Variants in KCNH8 observed in about 807,000 individuals in gnomAD.
The protein encoded by KCNH8 is potassium voltage-gated channel subfamily H member 8, also known as voltage-gated delayed rectifier potassium channel KCNH8.
A neutral mutation model predicts 103.6 loss-of-function variants in KCNH8; 70 were observed. That is an observed-to-expected ratio of 0.68 (90% confidence interval 0.56 to 0.82). The LOEUF is 0.82. KCNH8 is among the 40% of genes least tolerant of loss of function. KCNH8 has a pLI of 0.00. For missense variants in KCNH8, 1,217 were observed against 1,329.9 expected, an observed-to-expected ratio of 0.92 and a Z score of 1.32; for synonymous variants, 498 against 489.4, an observed-to-expected ratio of 1.02 and a Z score of -0.23.
rs576911443 is a variant in KCNH8 at position 19,440,900 on chromosome 3, T to G, written c.1375+2539T>G. 2.3e-4 allele frequency among the ~76,000 whole-genome samples: 35 copies of G among 152,308 alleles called. 1 individual carries two copies. In the South Asian group the frequency reaches 6.2e-3, roughly 27 times the overall value. On this transcript the variant is annotated intron_variant, in intron 8 of 15. Transcript: ENST00000328405. ...AAACAGACAATTTATTATACTATTT[T>G]CTCTGGACTCCAAACCCACCTTTAT...
chr3:19,221,281 C>T (rs1290223046), intron 1 of KCNH8, among the ~76,000 whole-genome samples: 6 of 152,102 alleles, frequency 3.9e-5, no homozygotes, highest in Admixed American at 3.3e-4. Flanking sequence ...AGTGTTAGGA[C>T]GCTAAGGGGC....
At position 19,533,376 on chromosome 3, in the gene KCNH8, C is replaced by CTT; in HGVS notation, c.2620-17_2620-16dup. On this transcript the variant is annotated intron_variant, in intron 15 of 15. Transcript: ENST00000328405. ...ATGCACCTCTAACTATTGTCTTTCA[C>CTT]TTTGCTCTATCCACATAGGTAACAA... 6.5e-7 allele frequency: 1 copy of CTT among 1,542,716 alleles called. No homozygotes were observed. Among genetic ancestry groups the CTT allele is most frequent in the South Asian group, 1.1e-5 (1 of 89,498 alleles).
intron 1 of KCNH8, among the ~76,000 whole-genome samples, chr3:19,243,211 C>A (rs1483300132): frequency 6.6e-6 from 1 of 152,170 alleles, no homozygotes; most frequent in Non-Finnish European, 1.5e-5. Flanking sequence ...CATCTCCATT[C>A]TGTAATGCAG....
chr3:19,284,052 C>A (rs182615052), intron 3 of KCNH8, among the ~76,000 whole-genome samples: 1 of 151,830 alleles, frequency 6.6e-6, no homozygotes, highest in East Asian at 1.9e-4. Context: ...AGGAAAGACA[C>A]ACCTTAACAT....
chr3:19,364,756 G>T (rs148111412), intron 5 of KCNH8, among the ~76,000 whole-genome samples: 9 of 151,860 alleles, frequency 5.9e-5, no homozygotes, highest in Non-Finnish European at 1.3e-4. Context: ...CTCAAATTAG[G>T]TGACTTTAAA....
At chr3:19,200,647 C>G (rs1262671716) in intron 1 of KCNH8, among the ~76,000 whole-genome samples, 1 of 151,656 alleles carries the variant, frequency 6.6e-6, no homozygotes, top group African/African-American at 2.4e-5. Context: ...TCTTTATTAA[C>G]TAATTTTTGT....
At chr3:19,395,047 G>A (rs1040641388) in intron 6 of KCNH8, 57 bp from the exon 7 acceptor site, 7 of 1,220,048 alleles carry the variant, frequency 5.7e-6, no homozygotes, top group Admixed American at 1.7e-5. Context: ...CCAAGTTAAT[G>A]TTGTGGTATG....
At position 19,533,524 on chromosome 3, in the gene KCNH8, C is replaced by A; in HGVS notation, c.2749C>A (p.Pro917Thr). The A allele has an allele frequency of 1.2e-6, 2 of 1,614,164 alleles. No homozygotes were observed. Among genetic ancestry groups the A allele is most frequent in the Non-Finnish European group, 1.7e-6 (2 of 1,180,016 alleles). ...CTCTTTGCACAGCACCTCTGTGTGT[C>A]CCTCCAGGGAGAGCTTACAGACCAG... is the stretch of plus-strand genomic sequence containing the variant. ...FCSLHSTSVC[P>T]SRESLQTRTS... Residue 917 changes from proline to threonine, a missense_variant, in exon 16 of 16, where the codon CCC (proline) becomes ACC (threonine). Coordinates refer to ENST00000328405, the MANE Select transcript of KCNH8 (RefSeq NM_144633.3).
At chr3:19,433,945 T>G (rs1422926359) in intron 7 of KCNH8, among the ~76,000 whole-genome samples, 1 of 152,228 alleles carries the variant, frequency 6.6e-6, no homozygotes, top group South Asian at 2.1e-4. Flanking sequence ...TTGGCTCTAT[T>G]TCTTAAATTA....
intron 1 of KCNH8, among the ~76,000 whole-genome samples, chr3:19,211,159 G>A (rs1041409842): frequency 2.6e-5 from 4 of 152,134 alleles, no homozygotes; most frequent in African/African-American, 9.7e-5. Flanking sequence ...AAAAGACATA[G>A]TTTCCACCCA....
In KCNH8 at chr3:19,254,305, T is replaced by C. The variant is rs185009823; in HGVS notation, c.310+418T>C. On this transcript the variant is annotated intron_variant, in intron 2 of 15. Transcript: ENST00000328405. ...ATTCCAGTCATTAAAGACAGAGATC[T>C]GTGTGTTCCCTGCAAAAAAGGAAGT... Among the ~76,000 whole-genome samples, 859 of 152,174 alleles carry C rather than the reference T, an allele frequency of 5.6e-3. 2 individuals are homozygous for C. The highest frequency in any genetic ancestry group is 9.2e-3 in the Non-Finnish European group (625 of 68,008).
At chr3:19,436,591 A>G (rs2067203271) in intron 7 of KCNH8, among the ~76,000 whole-genome samples, 1 of 152,158 alleles carries the variant, frequency 6.6e-6, no homozygotes, top group African/African-American at 2.4e-5. Flanking sequence ...AACACAGTTT[A>G]GGGCAATCCT....
At chr3:19,522,768 T>G (rs2068994625) in intron 15 of KCNH8, among the ~76,000 whole-genome samples, 1 of 151,860 alleles carries the variant, frequency 6.6e-6, no homozygotes, top group Admixed American at 6.6e-5. Context: ...GAATAATTAT[T>G]TTCCCCTTTA....
intron 1 of KCNH8, among the ~76,000 whole-genome samples, chr3:19,191,353 G>A (rs1389747138): frequency 1.3e-5 from 2 of 151,666 alleles, no homozygotes; most frequent in East Asian, 3.9e-4. Flanking sequence ...CTAAATATTT[G>A]TTAATATGAT....
chr3:19,351,444 A>G (rs2065800647), intron 5 of KCNH8, among the ~76,000 whole-genome samples: 1 of 142,024 alleles, frequency 7.0e-6, no homozygotes, highest in Admixed American at 6.9e-5. Context: ...CAGATTCACC[A>G]AAGTTGAAAT....
intron 1 of KCNH8, among the ~76,000 whole-genome samples, chr3:19,170,526 G>C (rs926732628): frequency 2.0e-5 from 3 of 149,050 alleles, no homozygotes; most frequent in Admixed American, 1.3e-4. Context: ...CAGGCTTAAG[G>C]ATGTTCCAAC....
At chr3:19,190,597 T>G (rs184207922) in intron 1 of KCNH8, among the ~76,000 whole-genome samples, 96 of 152,058 alleles carry the variant, frequency 6.3e-4, no homozygotes, top group Admixed American at 1.9e-3. Context: ...ACGTGTCCAA[T>G]GTATTTATAG....
chr3:19,209,230 T>G (rs1197524664), intron 1 of KCNH8, among the ~76,000 whole-genome samples: 2 of 152,214 alleles, frequency 1.3e-5, no homozygotes, highest in East Asian at 3.9e-4. Flanking sequence ...TAAAGCATTA[T>G]GCATTTTTTA....
intron 3 of KCNH8, among the ~76,000 whole-genome samples, chr3:19,341,057 A>G (rs1240307674): frequency 1.3e-5 from 2 of 152,086 alleles, no homozygotes; most frequent in Non-Finnish European, 2.9e-5. Flanking sequence ...GAATGGTTCT[A>G]GGGTTTCCAG....
Sources: gnomAD v4.1 joint callset for allele counts (sites outside exome capture counted in the v4.1 genomes callset) on GRCh38, gnomAD v4.1.1 for gene constraint, MANE v1.5 for transcripts, NCBI Gene and HGNC (gene_info 2026-07-23, HGNC 2026-07-21) for gene names.